The following ZNF521 variants were observed in gnomAD, a reference collection of about 807,000 sequenced individuals.
ZNF521 encodes zinc finger protein 521.
Under a neutral mutation model 105.5 loss-of-function variants are expected in ZNF521, and 14 were observed. That is an observed-to-expected ratio of 0.13 (90% confidence interval 0.09 to 0.21). The LOEUF (loss-of-function observed/expected upper bound fraction) is 0.21. ZNF521 is among the 10% of genes least tolerant of loss of function. The pLI, the probability that ZNF521 is intolerant of heterozygous loss-of-function variation, is 1.00. For synonymous variants in ZNF521, 635 were observed against 606.0 expected, an observed-to-expected ratio of 1.05 and a Z score of -0.70; for missense variants, 1,233 against 1,629.7, an observed-to-expected ratio of 0.76 and a Z score of 4.19.
intron 5 of ZNF521, among the ~76,000 whole-genome samples, chr18:25,140,529 A>C (rs906803530): frequency 5.9e-5 from 9 of 152,174 alleles, no homozygotes; most frequent in African/African-American, 2.2e-4. Flanking sequence ...GCTTTTGTTA[A>C]CACATTAAGC....
chr18:25,120,620 A>C (rs1259605710), intron 5 of ZNF521, among the ~76,000 whole-genome samples: 3,095 of 151,830 alleles, frequency 0.02, 113 homozygotes, highest in African/African-American at 0.071. Flanking sequence ...CAAACAAACA[A>C]ACAAACAAAA....
At chr18:25,187,760 A>T (rs1307610226) in intron 5 of ZNF521, among the ~76,000 whole-genome samples, 1 of 152,206 alleles carries the variant, frequency 6.6e-6, no homozygotes, top group Non-Finnish European at 1.5e-5. Flanking sequence ...ACTGATAGAC[A>T]GTAGCTTCTT....
rs149697655 is a variant in ZNF521 at position 25,111,799 on chromosome 18, T to C, written c.3659-19718A>G. On this transcript the variant is annotated intron_variant, in intron 5 of 7. Coordinates refer to ENST00000361524, the MANE Select transcript of ZNF521 (RefSeq NM_015461.3). ...GAAGAGCACAGATGTCAGGCAAGCC[T>C]GACCCAGTATCTGGCTGATCAGATG... Among the ~76,000 whole-genome samples, 337 of 152,344 alleles carry C rather than the reference T, an allele frequency of 2.2e-3. 4 individuals carry two copies. The highest frequency in any genetic ancestry group is 0.013 in the East Asian group (67 of 5,184).
chr18:25,227,045 T>C lies in ZNF521; in HGVS notation c.873A>G (p.Val291=). The C allele has an allele frequency of 6.2e-7, 1 of 1,614,154 alleles. No homozygotes were observed. Among genetic ancestry groups the C allele is most frequent in the Non-Finnish European group, 8.5e-7 (1 of 1,180,002 alleles). Residue 291 remains valine, a synonymous_variant, in exon 4 of 8, where the codon GTA becomes GTG. Coordinates refer to ENST00000361524, the MANE Select transcript of ZNF521 (RefSeq NM_015461.3). This position sits in a 1 kb window ranked among gnomAD's most constrained non-coding sequence, Gnocchi z 5.7. ...TGTGGTTCATGAGGGAGGTCTCCTC[T>C]ACGAAGAGCTCGTGGCAGTAGACAC... ...LQCVYCHELF[V]EETSLMNHME...
At chr18:25,197,165 A>T (rs1600143719) in intron 4 of ZNF521, among the ~76,000 whole-genome samples, 2 of 151,976 alleles carry the variant, frequency 1.3e-5, no homozygotes, top group South Asian at 4.1e-4. Context: ...CACTACTGAT[A>T]ATTCAAACAT....
intron 3 of ZNF521, among the ~76,000 whole-genome samples, chr18:25,311,665 T>C (rs1912316660): frequency 6.6e-6 from 1 of 152,164 alleles, no homozygotes; most frequent in African/African-American, 2.4e-5. Flanking sequence ...ACTGACAGCT[T>C]TGATTACCAT....
At chr18:25,124,277 T>C (rs1281764722) in intron 5 of ZNF521, among the ~76,000 whole-genome samples, 2 of 152,014 alleles carry the variant, frequency 1.3e-5, no homozygotes, top group African/African-American at 4.8e-5. Flanking sequence ...GAGGAGGAGG[T>C]GGGGAAGAAC....
At chr18:25,086,627 C>T (rs1156288549) in intron 7 of ZNF521, among the ~76,000 whole-genome samples, 2 of 152,102 alleles carry the variant, frequency 1.3e-5, no homozygotes, top group Non-Finnish European at 2.9e-5. Flanking sequence ...TTATCACATA[C>T]TCACCATAAA....
At chr18:25,235,119 A>ATT in intron 3 of ZNF521, among the ~76,000 whole-genome samples, 1 of 152,168 alleles carries the variant, frequency 6.6e-6, no homozygotes, top group Admixed American at 6.5e-5. Context: ...GAGTGTTGTA[A>ATT]AGTCCACACA....
At chr18:25,254,189 T>A (rs2144861204) in intron 3 of ZNF521, among the ~76,000 whole-genome samples, 1 of 152,220 alleles carries the variant, frequency 6.6e-6, no homozygotes, top group South Asian at 2.1e-4. Context: ...GGGGAATAAT[T>A]GTGGGACAGT....
intron 3 of ZNF521, among the ~76,000 whole-genome samples, chr18:25,262,342 T>C (rs967637300): frequency 2.6e-5 from 4 of 152,212 alleles, no homozygotes; most frequent in African/African-American, 9.6e-5. Flanking sequence ...TTTATAGAAA[T>C]TCCTGTACTC....
intron 3 of ZNF521, among the ~76,000 whole-genome samples, chr18:25,300,477 T>C (rs1323230645): frequency 6.6e-6 from 1 of 152,176 alleles, no homozygotes; most frequent in Admixed American, 6.5e-5. Context: ...TCTAATAGTG[T>C]ATAAACAAGA....
intron 5 of ZNF521, among the ~76,000 whole-genome samples, chr18:25,186,800 A>G (rs1391724016): frequency 6.6e-6 from 1 of 152,088 alleles, no homozygotes; most frequent in African/African-American, 2.4e-5. Flanking sequence ...CATGCTTTAT[A>G]CACAGTGAAC....
intron 4 of ZNF521, among the ~76,000 whole-genome samples, chr18:25,206,051 T>C (rs778506876): frequency 6.6e-6 from 1 of 152,146 alleles, no homozygotes; most frequent in South Asian, 2.1e-4. Context: ...TCACACAGGC[T>C]GGAGTGCAAT....
intron 2 of ZNF521, among the ~76,000 whole-genome samples, chr18:25,350,037 CGAGGAG>C (rs886918511): frequency 6.8e-4 from 103 of 151,380 alleles, no homozygotes; most frequent in Middle Eastern, 6.8e-3. Context: ...AGGAGGCGGC[CGAGGAG>C]GAGGAGGAGG....
intron 3 of ZNF521, among the ~76,000 whole-genome samples, chr18:25,256,741 A>C (rs769763047): frequency 1.3e-5 from 2 of 152,082 alleles, no homozygotes; most frequent in Non-Finnish European, 2.9e-5. Flanking sequence ...GAAGAAAGAC[A>C]AGAACAGAGC....
chr18:25,146,985 T>C (rs1041760483), intron 5 of ZNF521, among the ~76,000 whole-genome samples: 1 of 152,164 alleles, frequency 6.6e-6, no homozygotes, highest in African/African-American at 2.4e-5. Context: ...GGAGTATGAT[T>C]ACATAGGCAT....
Position 25,225,222 on chromosome 18 carries a change from G to A in ZNF521, c.2696C>T (p.Thr899Ile). 1 of 1,614,112 alleles carries A rather than the reference G, an allele frequency of 6.2e-7. No homozygotes were observed. The highest frequency in any genetic ancestry group is 2.2e-5 in the East Asian group (1 of 44,858). The change falls in exon 4 of 8, where the codon ACT becomes ATT. Residue 899 changes from threonine to isoleucine, a missense_variant. This residue lies in a region of ZNF521 where 614 missense variants were observed against 751.5 expected (regional missense o/e 0.82). Coordinates refer to ENST00000361524, the MANE Select transcript of ZNF521 (RefSeq NM_015461.3). The surrounding 1 kb of genome is among the most constrained non-coding windows in gnomAD (Gnocchi z 5.6). Reference sequence around the variant, plus strand: ...TCGGAGCTGGTGATTCTGCAGCAAAGTTTCCATAGTGTAGGCTGCCCCACA... The same window carrying A: ...TCGGAGCTGGTGATTCTGCAGCAAAATTTCCATAGTGTAGGCTGCCCCACA... ...DICGAAYTME[T>I]LLQNHQLRDH...
chr18:25,093,298 G>T (rs1392587756), intron 5 of ZNF521, among the ~76,000 whole-genome samples: 1 of 152,098 alleles, frequency 6.6e-6, no homozygotes, highest in African/African-American at 2.4e-5. Context: ...TTACTAAAGG[G>T]TAGAGGCTGC....
Sources: allele counts gnomAD v4.1 joint callset (sites outside exome capture counted in the v4.1 genomes callset), GRCh38; gene constraint gnomAD v4.1.1; regional missense constraint gnomAD v4.1.1; non-coding constraint Gnocchi (gnomAD v3.1); transcripts MANE v1.5; gene names NCBI Gene and HGNC (gene_info 2026-07-23, HGNC 2026-07-21).